RORA: variants seen among roughly 807,000 people sequenced by gnomAD.
RORA encodes the protein nuclear receptor ROR-alpha.
A neutral mutation model predicts 69.5 loss-of-function variants in RORA; 7 were observed. That is an observed-to-expected ratio of 0.10 (90% confidence interval 0.06 to 0.19). The LOEUF is 0.19. Among genes scored for constraint, RORA ranks in the 10% least tolerant of loss-of-function variants. The probability of loss-of-function intolerance (pLI) is 1.00; values close to 1 mark genes in which losing one functional copy is unlikely to be tolerated. For missense variants in RORA, 457 were observed against 663.0 expected (o/e 0.69, Z 3.41); for synonymous variants, 261 against 240.8 (o/e 1.08, Z -0.78).
At chr15:60,626,518 A>C (rs1192126150) in intron 2 of RORA, among the ~76,000 whole-genome samples, 1 of 152,214 alleles carries the variant, frequency 6.6e-6, no homozygotes, top group Non-Finnish European at 1.5e-5. Context: ...ATAAAACAAC[A>C]ACCTCAAAAA....
At chr15:60,671,222 G>A (rs2070464408) in intron 2 of RORA, among the ~76,000 whole-genome samples, 1 of 151,716 alleles carries the variant, frequency 6.6e-6, no homozygotes, top group Non-Finnish European at 1.5e-5. Context: ...GAATTACTAA[G>A]TTGGTCTAAC....
At chr15:61,085,755 TTAAA>T (rs1212405612) in intron 1 of RORA, among the ~76,000 whole-genome samples, 10 of 152,220 alleles carry the variant, frequency 6.6e-5, no homozygotes, top group Non-Finnish European at 8.8e-5. Flanking sequence ...TCTCCCACAC[TTAAA>T]TAGTTTTGTT....
At chr15:60,839,596 T>C (rs918308504) in intron 1 of RORA, among the ~76,000 whole-genome samples, 4 of 152,212 alleles carry the variant, frequency 2.6e-5, no homozygotes, top group Non-Finnish European at 5.9e-5. Flanking sequence ...ATTATATCAA[T>C]GCACATCTGT....
intron 1 of RORA, among the ~76,000 whole-genome samples, chr15:60,856,355 T>A (rs571488315): frequency 6.6e-6 from 1 of 152,206 alleles, no homozygotes; most frequent in African/African-American, 2.4e-5. Context: ...TAACACTGAA[T>A]AGAGTTCACC....
chr15:61,223,164 A>T (rs1708717889), intron 1 of RORA, among the ~76,000 whole-genome samples: 1 of 152,020 alleles, frequency 6.6e-6, no homozygotes, highest in South Asian at 2.1e-4. Context: ...AACACAAAAA[A>T]TTAGCTGGGC....
At chr15:61,064,339 T>C (rs1389360747) in intron 1 of RORA, among the ~76,000 whole-genome samples, 17 of 152,358 alleles carry the variant, frequency 1.1e-4, no homozygotes, top group Non-Finnish European at 2.1e-4. Flanking sequence ...TGCCAAATAT[T>C]TAAATAGTTC....
chr15:60,618,343 C>T (rs1344889379), intron 2 of RORA, among the ~76,000 whole-genome samples: 1 of 152,210 alleles, frequency 6.6e-6, no homozygotes, highest in Non-Finnish European at 1.5e-5. Context: ...TGCCTACCCA[C>T]ACAGCCCCTA....
At chr15:60,530,262 G>C (rs939655857) in intron 3 of RORA, 2 of 152,214 alleles carry the variant, frequency 1.3e-5, no homozygotes, top group African/African-American at 4.8e-5. Context: ...GCACAGACCA[G>C]ACAGATTATT....
intron 1 of RORA, among the ~76,000 whole-genome samples, chr15:60,984,801 CTT>C (rs3985701): frequency 7.3e-6 from 1 of 137,262 alleles, no homozygotes; most frequent in African/African-American, 2.7e-5. Context: ...CTACATATGT[CTT>C]TTTTTTTTTT....
chr15:60,654,104 G>A (rs1344571977), intron 2 of RORA, among the ~76,000 whole-genome samples: 1 of 152,146 alleles, frequency 6.6e-6, no homozygotes, highest in Non-Finnish European at 1.5e-5. Context: ...CAAAGGAGCT[G>A]CTGAATAAAG....
chr15:60,749,297 T>G (rs1161450524), intron 1 of RORA, among the ~76,000 whole-genome samples: 1 of 152,244 alleles, frequency 6.6e-6, no homozygotes, highest in African/African-American at 2.4e-5. Context: ...AAATTATTTC[T>G]CTAAAACATA....
At chr15:60,702,853 A>C (rs1267795292) in intron 1 of RORA, among the ~76,000 whole-genome samples, 1 of 152,158 alleles carries the variant, frequency 6.6e-6, no homozygotes, top group Non-Finnish European at 1.5e-5. Context: ...TTCCATGGTC[A>C]CCTTGTGTGG....
chr15:61,217,652 G>C (rs185556961), intron 1 of RORA, among the ~76,000 whole-genome samples: 35 of 151,924 alleles, frequency 2.3e-4, no homozygotes, highest in Admixed American at 2.0e-3. Flanking sequence ...CGCCTCTCTT[G>C]TTTGCTGCTT....
Position 60,662,980 on chromosome 15 carries a change from G to GCT in RORA, c.196+15676_196+15677insAG, listed in dbSNP as rs1209212629. On this transcript the variant is annotated intron_variant, in intron 2 of 10. Transcript: ENST00000335670. Reference sequence around the variant, plus strand: ...GCCTTGCCCAAGGTTATGCCCTTAGGTGCAGCTGGCACCCAATGGCTGCCT... The same window carrying GCT: ...GCCTTGCCCAAGGTTATGCCCTTAGGCTTGCAGCTGGCACCCAATGGCTGCCT... Among the ~76,000 whole-genome samples the GCT allele has an allele frequency of 2.0e-5, 3 of 152,154 alleles. No individual in the cohort carries two copies. The East Asian group carries it at 5.8e-4, about 29-fold the overall frequency.
At chr15:61,135,128 T>C (rs540213929) in intron 1 of RORA, among the ~76,000 whole-genome samples, 135 of 125,472 alleles carry the variant, frequency 1.1e-3, no homozygotes, top group African/African-American at 3.8e-3. Flanking sequence ...GCCAACATGG[T>C]GAAACCCCAT....
chr15:61,197,587 T>C (rs976144818), intron 1 of RORA, among the ~76,000 whole-genome samples: 1 of 152,158 alleles, frequency 6.6e-6, no homozygotes, highest in African/African-American at 2.4e-5. Context: ...AATAACTCTG[T>C]AGGTAACCTC....
At chr15:60,855,618 AT>A (rs2073371274) in intron 1 of RORA, among the ~76,000 whole-genome samples, 1 of 151,904 alleles carries the variant, frequency 6.6e-6, no homozygotes. Context: ...GCTTTTATTT[AT>A]TTATTTATTT....
At chr15:60,574,123 G>C (rs1446819608) in intron 2 of RORA, among the ~76,000 whole-genome samples, 2 of 152,328 alleles carry the variant, frequency 1.3e-5, no homozygotes, top group East Asian at 3.9e-4. Context: ...GGTCAGAACA[G>C]AGCAGGGTTA....
intron 1 of RORA, among the ~76,000 whole-genome samples, chr15:60,795,385 T>C (rs908719325): frequency 3.3e-5 from 5 of 152,170 alleles, no homozygotes; most frequent in Non-Finnish European, 5.9e-5. Context: ...AGATGTAGAA[T>C]TTGCTTTTAT....
Sources: gnomAD v4.1 joint callset for allele counts (sites outside exome capture counted in the v4.1 genomes callset) on GRCh38, gnomAD v4.1.1 for gene constraint, MANE v1.5 for transcripts, NCBI Gene and HGNC (gene_info 2026-07-23, HGNC 2026-07-21) for gene names.